CYP7B1: variants seen among roughly 807,000 people sequenced by gnomAD.
The protein encoded by CYP7B1 is cytochrome P450 family 7 subfamily B member 1.
CYP7B1 carries 29 observed loss-of-function variants against 42.7 expected under a neutral mutation model. The observed-to-expected ratio is 0.68, with a 90% CI of 0.51 to 0.93. The LOEUF is 0.93. Ranked by LOEUF, CYP7B1 falls within the 40% of genes least tolerant of loss-of-function variation. The pLI is 0.00. For synonymous variants in CYP7B1, 235 were observed against 218.2 expected (o/e 1.08, Z -0.68); for missense variants, 655 against 600.5 (o/e 1.09, Z -0.95).
In CYP7B1 at chr8:64,656,234, AC is replaced by A. The variant is rs1279688009; in HGVS notation, c.123-31696del. Among the ~76,000 whole-genome samples, 44 of 152,310 alleles carry A rather than the reference AC, an allele frequency of 2.9e-4. No individual in the cohort carries two copies. In the East Asian group the frequency reaches 6.6e-3, roughly 23 times the overall value. ...CCCTAAATTAAAAACAAACAAACAA[AC>A]AAAAAACAGAAAATAAAAACATTGC... On this transcript the variant is annotated intron_variant, in intron 1 of 5. Transcript: ENST00000310193.
intron 1 of CYP7B1, among the ~76,000 whole-genome samples, chr8:64,772,187 G>A (rs1804246300): frequency 6.6e-6 from 1 of 152,160 alleles, no homozygotes; most frequent in Non-Finnish European, 1.5e-5. Flanking sequence ...AATAATCCAT[G>A]CCTCTGCCTA....
At chr8:64,646,418 A>G (rs1463354096) in intron 1 of CYP7B1, among the ~76,000 whole-genome samples, 1 of 152,252 alleles carries the variant, frequency 6.6e-6, no homozygotes, top group Non-Finnish European at 1.5e-5. Context: ...TCAAAAGAAG[A>G]CATTTATGCA....
chr8:64,764,429 CAGAA>C, intron 1 of CYP7B1, among the ~76,000 whole-genome samples: 1 of 151,872 alleles, frequency 6.6e-6, no homozygotes, highest in Non-Finnish European at 1.5e-5. Flanking sequence ...GAGAGAAAGA[CAGAA>C]AGGAAGAGAA....
intron 1 of CYP7B1, among the ~76,000 whole-genome samples, chr8:64,754,296 G>A (rs527987959): frequency 6.6e-6 from 1 of 152,166 alleles, no homozygotes; most frequent in Non-Finnish European, 1.5e-5. Context: ...AAAATGCAGG[G>A]TATCTTGAAT....
intron 1 of CYP7B1, among the ~76,000 whole-genome samples, chr8:64,752,580 T>C (rs1021572465): frequency 6.6e-6 from 1 of 152,114 alleles, no homozygotes; most frequent in African/African-American, 2.4e-5. Flanking sequence ...AGGTAGGTGG[T>C]AAGAGATACA....
intron 4 of CYP7B1, among the ~76,000 whole-genome samples, chr8:64,608,736 G>A (rs972129820): frequency 6.6e-6 from 1 of 152,158 alleles, no homozygotes; most frequent in Admixed American, 6.5e-5. Flanking sequence ...ATGTGTATGT[G>A]CATTTCTACA....
At chr8:64,725,364 T>C (rs1807308524) in intron 1 of CYP7B1, among the ~76,000 whole-genome samples, 1 of 152,252 alleles carries the variant, frequency 6.6e-6, no homozygotes, top group African/African-American at 2.4e-5. Context: ...ACTTGCTTTA[T>C]ACTTTTGGAG....
At chr8:64,791,494 G>C (rs1458582472) in intron 1 of CYP7B1, among the ~76,000 whole-genome samples, 1 of 152,152 alleles carries the variant, frequency 6.6e-6, no homozygotes, top group Non-Finnish European at 1.5e-5. Flanking sequence ...GCGTAGGAGA[G>C]AGATTTAGAG....
At chr8:64,634,585 G>C (rs199739723) in intron 1 of CYP7B1, among the ~76,000 whole-genome samples, 1 of 100,842 alleles carries the variant, frequency 9.9e-6, no homozygotes, top group South Asian at 3.0e-4. Context: ...TCTCAAAAAA[G>C]AAAAAAAAAA....
intron 2 of CYP7B1, among the ~76,000 whole-genome samples, chr8:64,621,690 T>G (rs1805531859): frequency 6.6e-6 from 1 of 151,784 alleles, no homozygotes; most frequent in South Asian, 2.1e-4. Context: ...CTAAGATGCA[T>G]GATTTTTTTC....
chr8:64,599,879 G>C (rs1013471457), intron 5 of CYP7B1, among the ~76,000 whole-genome samples: 1 of 152,184 alleles, frequency 6.6e-6, no homozygotes, highest in Admixed American at 6.5e-5. Context: ...GTCTGGAACT[G>C]CTATCAGGCT....
rs746194141 is a variant in CYP7B1 at position 64,593,235 on chromosome 8, GT to G, written c.*3406del. ...TGGACTAAAGGCTAGGGCCCAGGGT[GT>G]GTGTGTGTGTGTGTGTGTGTGTGTG... On this transcript the variant is annotated 3_prime_UTR_variant, in exon 6 of 6. Transcript: ENST00000310193. Among the ~76,000 whole-genome samples the G allele has an allele frequency of 0.19, 9,606 of 51,434 alleles. 447 individuals carry two copies. The highest frequency in any genetic ancestry group is 0.29 in the East Asian group (151 of 512). 33.7% of individuals were successfully genotyped at this position (51,434 alleles called of 152,430 possible).
At chr8:64,678,631 C>T (rs542025805) in intron 1 of CYP7B1, among the ~76,000 whole-genome samples, 5 of 152,234 alleles carry the variant, frequency 3.3e-5, no homozygotes, top group South Asian at 4.1e-4. Flanking sequence ...ACTGCTGCTA[C>T]GGGTGCTCCT....
intron 1 of CYP7B1, among the ~76,000 whole-genome samples, chr8:64,780,460 G>A (rs58195923): frequency 0.31 from 47,367 of 151,780 alleles, 10,178 homozygotes; most frequent in African/African-American, 0.61. Context: ...CTTTTGTTAG[G>A]CTTTCTATTA....
At chr8:64,722,235 T>C (rs1269807253) in intron 1 of CYP7B1, among the ~76,000 whole-genome samples, 1 of 152,204 alleles carries the variant, frequency 6.6e-6, no homozygotes, top group East Asian at 1.9e-4. Flanking sequence ...CCCTGGCCTC[T>C]CTAGACTGTA....
At chr8:64,609,426 A>T (rs1404597755) in intron 4 of CYP7B1, among the ~76,000 whole-genome samples, 1 of 152,158 alleles carries the variant, frequency 6.6e-6, no homozygotes, top group African/African-American at 2.4e-5. Flanking sequence ...TCCTCCTTTT[A>T]ATTTCCACCC....
At chr8:64,686,384 C>T (rs1585855684) in intron 1 of CYP7B1, among the ~76,000 whole-genome samples, 1 of 33,130 alleles carries the variant, frequency 3.0e-5, no homozygotes, top group Non-Finnish European at 6.5e-5. Context: ...CCCGGCCAGC[C>T]GCCCCGTCCG....
intron 1 of CYP7B1, among the ~76,000 whole-genome samples, chr8:64,780,585 A>G (rs936798950): frequency 6.6e-6 from 1 of 152,286 alleles, no homozygotes; most frequent in Admixed American, 6.5e-5. Flanking sequence ...CATAAAAATG[A>G]GCAATTCAGC....
At chr8:64,793,516 G>A (rs1337378373) in intron 1 of CYP7B1, among the ~76,000 whole-genome samples, 1 of 151,998 alleles carries the variant, frequency 6.6e-6, no homozygotes, top group Admixed American at 6.6e-5. Flanking sequence ...CTGTACCTAA[G>A]TCTATTATGA....
Sources: gnomAD v4.1 joint callset for allele counts (sites outside exome capture counted in the v4.1 genomes callset) on GRCh38, gnomAD v4.1.1 for gene constraint, MANE v1.5 for transcripts, NCBI Gene and HGNC (gene_info 2026-07-23, HGNC 2026-07-21) for gene names.